Variants in OR4N5 observed in about 807,000 individuals in gnomAD.
OR4N5 encodes olfactory receptor 4N5.
For missense variants in OR4N5, 428 were observed against 370.0 expected (o/e 1.16, Z -1.29); for synonymous variants, 155 against 140.6 (o/e 1.10, Z -0.72).
chr14:20,145,177 G>A lies in OR4N5; in HGVS notation c.*515G>A, dbSNP rs1878713834. 1 of 153,510 alleles carries A rather than the reference G, an allele frequency of 6.5e-6. No homozygotes were observed. The highest frequency in any genetic ancestry group is 2.0e-4 in the South Asian group (1 of 4,892). The allele number at this position is 153,510 out of a possible 1,614,324, so 9.5% of individuals were successfully genotyped here. On this transcript the variant is annotated 3_prime_UTR_variant, in exon 3 of 3. Transcript: ENST00000641086. ...TATATTTGATGACCATAAAAAGGAAGAGAACAGCTGTACTATATTTAGTGA... is the reference window on the plus strand; with the variant it reads ...TATATTTGATGACCATAAAAAGGAAAAGAACAGCTGTACTATATTTAGTGA...
Position 20,143,846 on chromosome 14 carries a change from C to T in OR4N5, c.111C>T (p.Ile37=), listed in dbSNP as rs1878666943. 4 of 1,613,892 alleles carry T rather than the reference C, an allele frequency of 2.5e-6. No individual in the cohort carries two copies. Among genetic ancestry groups the T allele is most frequent in the Non-Finnish European group, 3.4e-6 (4 of 1,179,958 alleles). The change falls in exon 3 of 3, where the codon ATC becomes ATT. Residue 37 remains isoleucine (I), a synonymous_variant. Transcript: ENST00000641086. ...VFVLVLIFYL[I]ILPGNFLIIF... Reference sequence around the variant, plus strand: ...TGCTAGTCTTAATTTTCTACCTTATCATCCTCCCTGGAAATTTCCTCATCA... The same window carrying T: ...TGCTAGTCTTAATTTTCTACCTTATTATCCTCCCTGGAAATTTCCTCATCA...
Position 20,144,280 on chromosome 14 carries a change from C to T in OR4N5, c.545C>T (p.Pro182Leu), listed in dbSNP as rs377457336. The change falls in exon 3 of 3, where the codon CCA becomes CTA. Residue 182 changes from proline to leucine, a missense_variant. Transcript: ENST00000641086. ...NQLDNFFCDVPQVIKLACTNT... is the reference protein window; with the variant it reads ...NQLDNFFCDVLQVIKLACTNT... The stretch of plus-strand genomic sequence containing the variant: ...CTCGATAACTTCTTCTGTGATGTTC[C>T]ACAGGTCATCAAGCTGGCCTGCACC... The T allele has an allele frequency of 3.1e-6, 5 of 1,613,910 alleles. No homozygotes were observed. Among genetic ancestry groups the T allele is most frequent in the Non-Finnish European group, 4.2e-6 (5 of 1,179,998 alleles).
Position 20,144,563 on chromosome 14 carries a change from T to A in OR4N5, c.828T>A (p.Thr276=). Residue 276 remains threonine, a synonymous_variant, in exon 3 of 3, where the codon ACT becomes ACA. Transcript: ENST00000641086. ...ACAAGGTAGTTTCTCTTTTCCATAC[T>A]GTCATCTTTCCTTTGATGAACCCTG... ...PADKVVSLFH[T]VIFPLMNPVI... 1 of 1,614,000 alleles carries A rather than the reference T, an allele frequency of 6.2e-7. No individual in the cohort carries two copies. The highest frequency in any genetic ancestry group is 1.1e-5 in the South Asian group (1 of 91,078).
rs1878606800 is a variant in OR4N5, at chr14:20,141,082, T to C, written c.-141T>C. 1 of 151,974 alleles carries C rather than the reference T, an allele frequency of 6.6e-6. No homozygotes were observed. Among genetic ancestry groups the C allele is most frequent in the African/African-American group, 2.4e-5 (1 of 41,352 alleles). The allele number at this position is 151,974 out of a possible 1,614,324, so 9.4% of individuals were successfully genotyped here. ...TTAGTTAACAGAAAATAGACGGAAA[T>C]AGTAGAAAATAAAAGCAAAGGAAGA... On this transcript the variant is annotated 5_prime_UTR_variant, in exon 2 of 3. Coordinates refer to ENST00000641086, the MANE Select transcript of OR4N5 (RefSeq NM_001004724.2).
intron 2 of OR4N5, 37 bp from the exon 3 acceptor site, chr14:20,143,688 T>C (rs1413219507): frequency 7.5e-7 from 1 of 1,337,500 alleles, no homozygotes; most frequent in Non-Finnish European, 1.0e-6. Flanking sequence ...AAAAGGTGGT[T>C]ATAACAGATA....
At chr14:20,142,915 T>C (rs1460293244) in intron 2 of OR4N5, among the ~76,000 whole-genome samples, 1 of 152,208 alleles carries the variant, frequency 6.6e-6, no homozygotes, top group African/African-American at 2.4e-5. Flanking sequence ...TTCTGATAAA[T>C]TTTGTATTAT....
chr14:20,142,255 A>T (rs1025614045), intron 2 of OR4N5, among the ~76,000 whole-genome samples: 10 of 151,976 alleles, frequency 6.6e-5, no homozygotes, highest in African/African-American at 2.2e-4. Flanking sequence ...CCTCCTGAGT[A>T]GCTGGGACTA....
rs538746630 is a variant in OR4N5 at position 20,144,875 on chromosome 14, G to T, written c.*213G>T. On this transcript the variant is annotated 3_prime_UTR_variant, in exon 3 of 3. Coordinates refer to ENST00000641086, the MANE Select transcript of OR4N5 (RefSeq NM_001004724.2). ...TCAAGGGGATAAATACAGGTTATTA[G>T]ATTTATTCAAGGGGATAAATACAGT... 6.6e-4 allele frequency: 340 copies of T among 517,524 alleles called. No individual in the cohort carries two copies. The highest frequency in any genetic ancestry group is 6.0e-3 in the African/African-American group (309 of 51,734). The allele number at this position is 517,524 out of a possible 1,614,324, so 32.1% of individuals were successfully genotyped here.
intron 1 of OR4N5, 29 bp downstream of exon 1, chr14:20,138,919 A>C (rs1054238932): frequency 2.7e-5 from 4 of 149,668 alleles, no homozygotes; most frequent in African/African-American, 9.9e-5. Flanking sequence ...CTTTATATTT[A>C]AATTAAATAG....
Position 20,144,902 on chromosome 14 carries a change from T to C in OR4N5, c.*240T>C, listed in dbSNP as rs1336188755. 1 of 396,682 alleles carries C rather than the reference T, an allele frequency of 2.5e-6. No individual in the cohort carries two copies. The highest frequency in any genetic ancestry group is 4.5e-6 in the Non-Finnish European group (1 of 223,038). 24.6% of individuals were successfully genotyped at this position (396,682 alleles called of 1,614,324 possible). A position where few individuals can be genotyped will look rare whatever the true frequency, so the allele number is the denominator to read the frequency against. ...TTTATTCAAGGGGATAAATACAGTT[T>C]ATTAAATTTGAAAAACAACTATAGT... On this transcript the variant is annotated 3_prime_UTR_variant, in exon 3 of 3. Transcript: ENST00000641086.
rs1410901034 is a variant in OR4N5, at chr14:20,144,076, T to C, written c.341T>C (p.Leu114Pro). ...TTTCTTGGAGCGGGAGAGATGTTCC[T>C]CCTCGTTGTGATGGCCTTTGACCGC... ...LHFLGAGEMF[L>P]LVVMAFDRYI... Residue 114 changes from leucine to proline, a missense_variant, in exon 3 of 3, where the codon CTC (leucine) becomes CCC (proline). By Grantham distance (98) the Leu-to-Pro change is moderately conservative. Transcript: ENST00000641086. 1.9e-6 allele frequency: 3 copies of C among 1,614,004 alleles called. No individual in the cohort carries two copies. The highest frequency in any genetic ancestry group is 2.7e-5 in the African/African-American group (2 of 74,932).
At position 20,144,603 on chromosome 14, in the gene OR4N5, C is replaced by A. The variant is rs199690567; in HGVS notation, c.868C>A (p.Arg290Ser). Reference protein sequence around the residue: ...PLMNPVIYTLRNQEVKASMRK... With the variant: ...PLMNPVIYTLSNQEVKASMRK... ...GATGAACCCTGTTATTTATACGCTT[C>A]GCAACCAGGAGGTGAAAGCTTCCAT... is the stretch of plus-strand genomic sequence containing the variant. Residue 290 changes from arginine to serine, a missense_variant, in exon 3 of 3, where the codon CGC becomes AGC. Transcript: ENST00000641086. 6.2e-7 allele frequency: 1 copy of A among 1,613,590 alleles called. No individual in the cohort carries two copies. Among genetic ancestry groups the A allele is most frequent in the South Asian group, 1.1e-5 (1 of 91,024 alleles).
chr14:20,143,758 T>C lies in OR4N5; in HGVS notation c.23T>C (p.Val8Ala), dbSNP rs1878663397. ...ATTATGGAAACACAGAACCTCACAG[T>C]GGTGACAGAATTCATTCTTCTTGGT... Reference protein sequence around the residue: METQNLTVVTEFILLGLT... With the variant: METQNLTAVTEFILLGLT... Residue 8 changes from valine (V) to alanine (A), a missense_variant, in exon 3 of 3, where the codon GTG (valine) becomes GCG (alanine). Val to Ala is a moderately conservative substitution (Grantham distance 64). Coordinates refer to ENST00000641086, the MANE Select transcript of OR4N5 (RefSeq NM_001004724.2). 1 of 1,611,318 alleles carries C rather than the reference T, an allele frequency of 6.2e-7. No individual in the cohort carries two copies. The highest frequency in any genetic ancestry group is 1.3e-5 in the African/African-American group (1 of 74,786).
chr14:20,139,761 T>C (rs1878580422), intron 1 of OR4N5, among the ~76,000 whole-genome samples: 1 of 152,156 alleles, frequency 6.6e-6, no homozygotes. Flanking sequence ...AGATTCAAAA[T>C]ACAGATATTA....
chr14:20,143,905 C>T lies in OR4N5; in HGVS notation c.170C>T (p.Ala57Val), dbSNP rs760813689. ...FTIKSDPGLT[A>V]PLYFFLGNLA... is the part of the protein sequence containing the mutation. ...ATAAAGTCAGACCCTGGGCTCACAG[C>T]CCCCCTCTATTTCTTTCTGGGCAAC... Residue 57 changes from alanine (A) to valine (V), a missense_variant, in exon 3 of 3, where the codon GCC becomes GTC. Physicochemically the swap from Ala to Val is moderately conservative, Grantham distance 64. Transcript: ENST00000641086. 6 of 1,614,020 alleles carry T rather than the reference C, an allele frequency of 3.7e-6. No homozygotes were observed. The highest frequency in any genetic ancestry group is 5.1e-6 in the Non-Finnish European group (6 of 1,179,956).
intron 1 of OR4N5, among the ~76,000 whole-genome samples, chr14:20,139,770 TA>T: frequency 6.6e-6 from 1 of 152,264 alleles, no homozygotes; most frequent in Non-Finnish European, 1.5e-5. Flanking sequence ...ATACAGATAT[TA>T]AAAATTAAAT....
rs371978000 is a variant in OR4N5 at position 20,144,060 on chromosome 14, G to A, written c.325G>A (p.Ala109Thr). 7.1e-5 allele frequency: 114 copies of A among 1,613,936 alleles called. No individual in the cohort carries two copies. The Admixed American group carries it at 7.2e-4, about 10-fold the overall frequency. ...TQLFFLHFLG[A>T]GEMFLLVVMA... ...GCTCTTTTTCTTGCATTTTCTTGGA[G>A]CGGGAGAGATGTTCCTCCTCGTTGT... The change falls in exon 3 of 3, where the codon GCG becomes ACG. Residue 109 changes from alanine (A) to threonine (T), a missense_variant. Physicochemically the swap from Ala to Thr is moderately conservative, Grantham distance 58. Transcript: ENST00000641086.
At chr14:20,139,545 G>A (rs1041129020) in intron 1 of OR4N5, among the ~76,000 whole-genome samples, 42 of 152,148 alleles carry the variant, frequency 2.8e-4, no homozygotes, top group African/African-American at 8.4e-4. Context: ...GATTCAAGCT[G>A]TTATCATATC....
rs775837941 is a variant in OR4N5, at chr14:20,143,904, G to C, written c.169G>C (p.Ala57Pro). The change falls in exon 3 of 3, where the codon GCC becomes CCC. Residue 57 changes from alanine to proline, a missense_variant. Ala to Pro is a conservative substitution (Grantham distance 27). Transcript: ENST00000641086. Reference protein sequence around the residue: ...FTIKSDPGLTAPLYFFLGNLA... With the variant: ...FTIKSDPGLTPPLYFFLGNLA... ...CATAAAGTCAGACCCTGGGCTCACA[G>C]CCCCCCTCTATTTCTTTCTGGGCAA... The C allele has an allele frequency of 1.9e-6, 3 of 1,614,014 alleles. No individual in the cohort carries two copies. Among genetic ancestry groups the C allele is most frequent in the Non-Finnish European group, 2.5e-6 (3 of 1,179,954 alleles).
Sources: allele counts gnomAD v4.1 joint callset (sites outside exome capture counted in the v4.1 genomes callset), GRCh38; gene constraint gnomAD v4.1.1; transcripts MANE v1.5; gene names NCBI Gene and HGNC (gene_info 2026-07-23, HGNC 2026-07-21).